The following PTPDC1 variants were observed in gnomAD, a reference collection of about 807,000 sequenced individuals.
The protein encoded by PTPDC1 is protein tyrosine phosphatase domain containing 1.
Under a neutral mutation model 75.3 loss-of-function variants are expected in PTPDC1, and 53 were observed. The ratio of observed to expected loss-of-function variants is 0.70; its 90% CI spans 0.56 to 0.88. The LOEUF (loss-of-function observed/expected upper bound fraction) is 0.88. PTPDC1 is among the 40% of genes least tolerant of loss of function. PTPDC1 has a pLI of 0.00. For missense variants in PTPDC1, 925 were observed against 998.6 expected (o/e 0.93, Z 0.99); for synonymous variants, 349 against 366.2 (o/e 0.95, Z 0.54).
intron 1 of PTPDC1, among the ~76,000 whole-genome samples, chr9:94,051,419 T>A (rs1355989863): frequency 6.6e-6 from 1 of 152,188 alleles, no homozygotes; most frequent in Non-Finnish European, 1.5e-5. Flanking sequence ...ATAGTCCTTA[T>A]TAGGTTGAGG....
At chr9:94,054,251 A>T (rs962502595) in intron 1 of PTPDC1, among the ~76,000 whole-genome samples, 1 of 152,166 alleles carries the variant, frequency 6.6e-6, no homozygotes, top group Non-Finnish European at 1.5e-5. Context: ...GGTGATGTGG[A>T]GGGTTTTGAA....
At chr9:94,031,542 G>A (rs767292238) in intron 1 of PTPDC1, among the ~76,000 whole-genome samples, 3 of 151,916 alleles carry the variant, frequency 2.0e-5, no homozygotes, top group Non-Finnish European at 4.4e-5. Flanking sequence ...TCTAATTTAG[G>A]TCTAATTCTG....
At chr9:94,050,175 C>T (rs1450018651) in intron 1 of PTPDC1, among the ~76,000 whole-genome samples, 1 of 151,714 alleles carries the variant, frequency 6.6e-6, no homozygotes, top group Non-Finnish European at 1.5e-5. Flanking sequence ...TCCTTTAGCT[C>T]GGAGTAGTTT....
chr9:94,073,095 C>G (rs1826569779), intron 2 of PTPDC1, among the ~76,000 whole-genome samples: 1 of 152,002 alleles, frequency 6.6e-6, no homozygotes, highest in Non-Finnish European at 1.5e-5. Context: ...AAATTGGTGC[C>G]CATTCTTCTT....
intron 1 of PTPDC1, chr9:94,031,184 T>G (rs1181228600): frequency 6.6e-6 from 1 of 152,188 alleles, no homozygotes; most frequent in Non-Finnish European, 1.5e-5. Flanking sequence ...TCAGATTTGT[T>G]TTTTTAAACG....
At chr9:94,075,285 A>G (rs1349964045) in intron 2 of PTPDC1, among the ~76,000 whole-genome samples, 1 of 152,150 alleles carries the variant, frequency 6.6e-6, no homozygotes, top group African/African-American at 2.4e-5. Context: ...GTCCTTCTAG[A>G]CACAGTAGAA....
chr9:94,033,870 A>G (rs1281797296), intron 1 of PTPDC1, among the ~76,000 whole-genome samples: 8 of 152,336 alleles, frequency 5.3e-5, no homozygotes, highest in Admixed American at 5.2e-4. Context: ...ACTAAGGGCA[A>G]ATTGACTATC....
chr9:94,073,134 G>A (rs1391278879), intron 2 of PTPDC1, among the ~76,000 whole-genome samples: 3 of 152,072 alleles, frequency 2.0e-5, no homozygotes, highest in African/African-American at 7.2e-5. Context: ...CTCCAGTGAC[G>A]TCATTTAAGC....
At chr9:94,054,816 A>G (rs1825886897) in intron 1 of PTPDC1, among the ~76,000 whole-genome samples, 1 of 152,210 alleles carries the variant, frequency 6.6e-6, no homozygotes, top group African/African-American at 2.4e-5. Context: ...GTTTTCTAGG[A>G]AAAAGCAAAA....
At chr9:94,084,334 T>C (rs1826986360), upstream of PTPDC1, 1 of 628,008 alleles carries the variant, frequency 1.6e-6, no homozygotes, top group Non-Finnish European at 2.5e-6. Flanking sequence ...ATGCAATCTG[T>C]TCATATTGGA....
chr9:94,046,687 A>G (rs551575394), intron 1 of PTPDC1, among the ~76,000 whole-genome samples: 2 of 152,338 alleles, frequency 1.3e-5, no homozygotes, highest in East Asian at 3.9e-4. Flanking sequence ...ATTTTTACAC[A>G]TCGATTTTGT....
intron 8 of PTPDC1, among the ~76,000 whole-genome samples, chr9:94,107,019 T>C: frequency 6.6e-6 from 1 of 152,176 alleles, no homozygotes; most frequent in East Asian, 1.9e-4. Context: ...AGTGGCACAA[T>C]CTCAGCTCAC....
chr9:94,106,887 A>G (rs1422825971), intron 8 of PTPDC1, among the ~76,000 whole-genome samples: 9 of 152,142 alleles, frequency 5.9e-5, no homozygotes, highest in African/African-American at 1.7e-4. Flanking sequence ...AATATGTGTA[A>G]ATAGTGCGCT....
At chr9:94,101,528 C>G (rs1267927480) in intron 6 of PTPDC1, 38 bp from the exon 7 acceptor site, 1 of 1,526,758 alleles carries the variant, frequency 6.5e-7, no homozygotes, top group South Asian at 1.1e-5. Context: ...CTCCCTGTCT[C>G]TGTCTCTGTC....
At chr9:94,070,852 T>A in intron 2 of PTPDC1, among the ~76,000 whole-genome samples, 1 of 152,208 alleles carries the variant, frequency 6.6e-6, no homozygotes, top group East Asian at 1.9e-4. Context: ...AGTTGAGTCC[T>A]TTTTATTGCT....
chr9:94,092,179 T>G lies in PTPDC1; in HGVS notation c.617-3138T>G, dbSNP rs1322800278. 2.5e-3 allele frequency among the ~76,000 whole-genome samples: 375 copies of G among 151,348 alleles called. 12 individuals carry two copies. Among genetic ancestry groups the G allele is most frequent in the African/African-American group, 8.0e-3 (326 of 40,868 alleles). ...TAGTTCTTTTAATTGTGATGTTAGG[T>G]TGTCAATTTTGGATCTTTCCTGCTT... On this transcript the variant is annotated intron_variant, in intron 4 of 8. Transcript: ENST00000620992.
chr9:94,077,320 C>G (rs918001309), intron 2 of PTPDC1, among the ~76,000 whole-genome samples: 2 of 152,168 alleles, frequency 1.3e-5, no homozygotes, highest in African/African-American at 4.8e-5. Flanking sequence ...CAATTTAATT[C>G]TGACATTATC....
chr9:94,064,869 T>G, intron 2 of PTPDC1: 1 of 1,370,620 alleles, frequency 7.3e-7, no homozygotes, highest in Non-Finnish European at 1.0e-6. Context: ...AAGCTGGCAT[T>G]TAATAAAAGT....
chr9:94,099,770 G>T (rs1027817944), intron 6 of PTPDC1, among the ~76,000 whole-genome samples: 3 of 152,186 alleles, frequency 2.0e-5, no homozygotes, highest in African/African-American at 7.2e-5. Flanking sequence ...TGAAAATCTC[G>T]CACCCCCACT....
Sources: gnomAD v4.1 joint callset for allele counts (sites outside exome capture counted in the v4.1 genomes callset) on GRCh38, gnomAD v4.1.1 for gene constraint, MANE v1.5 for transcripts, NCBI Gene and HGNC (gene_info 2026-07-23, HGNC 2026-07-21) for gene names.